SRGAP2: variants seen among roughly 807,000 people sequenced by gnomAD.
SRGAP2 encodes SLIT-ROBO Rho GTPase-activating protein 2.
In SRGAP2, 15 loss-of-function variants were observed where a neutral mutation model predicts 57.2. The observed-to-expected ratio is 0.26, with a 90% confidence interval of 0.18 to 0.40. SRGAP2 has a LOEUF of 0.40. Ranked by LOEUF, SRGAP2 falls within the 10% of genes least tolerant of loss-of-function variation. SRGAP2 has a pLI of 1.00. For synonymous variants in SRGAP2, 249 were observed against 248.0 expected (o/e 1.00, Z -0.04); for missense variants, 520 against 669.6 (o/e 0.78, Z 2.47).
At chr1:206,418,992 TAAGAG>T (rs1187407367) in intron 11 of SRGAP2, among the ~76,000 whole-genome samples, 1 of 148,120 alleles carries the variant, frequency 6.8e-6, no homozygotes, top group African/African-American at 2.5e-5. Flanking sequence ...ACATCCAACA[TAAGAG>T]AAGCTGAATT....
At chr1:206,445,673 G>A (rs1014298274) in intron 17 of SRGAP2, among the ~76,000 whole-genome samples, 2 of 152,210 alleles carry the variant, frequency 1.3e-5, no homozygotes, top group Non-Finnish European at 2.9e-5. Flanking sequence ...GCAGCCTGAG[G>A]GTCCCCGTCT....
chr1:206,371,356 T>G (rs1224768999), intron 4 of SRGAP2, among the ~76,000 whole-genome samples: 8 of 151,698 alleles, frequency 5.3e-5, no homozygotes, highest in Non-Finnish European at 1.2e-4. Flanking sequence ...CTAAATGGCA[T>G]TATTTAGGCA....
intron 3 of SRGAP2, among the ~76,000 whole-genome samples, chr1:206,334,474 T>C (rs545805079): frequency 5.4e-4 from 83 of 152,326 alleles, no homozygotes; most frequent in African/African-American, 1.9e-3. Flanking sequence ...TCCTTTTCAT[T>C]GTTGTTATGA....
chr1:206,229,633 G>A (rs2102509657), intron 2 of SRGAP2, among the ~76,000 whole-genome samples: 1 of 152,178 alleles, frequency 6.6e-6, no homozygotes, highest in East Asian at 1.9e-4. Context: ...TCTTCAACCT[G>A]AAGGACTCTT....
intron 4 of SRGAP2, among the ~76,000 whole-genome samples, chr1:206,377,481 A>T (rs1571999326): frequency 2.0e-5 from 2 of 98,966 alleles, no homozygotes; most frequent in East Asian, 2.9e-4. Flanking sequence ...TTGAAATCAG[A>T]TTTTTTTTTT....
intron 22 of SRGAP2, among the ~76,000 whole-genome samples, chr1:206,460,696 A>G (rs1664185073): frequency 6.6e-6 from 1 of 151,582 alleles, no homozygotes; most frequent in African/African-American, 2.4e-5. Flanking sequence ...TCATCACCAA[A>G]CTCCTGGCCA....
intron 11 of SRGAP2, among the ~76,000 whole-genome samples, chr1:206,418,295 G>A (rs908410317): frequency 3.9e-5 from 6 of 152,186 alleles, no homozygotes; most frequent in African/African-American, 1.4e-4. Flanking sequence ...GCACATAAGA[G>A]CTGAGCCTTT....
chr1:206,337,998 G>C (rs1674907261), intron 3 of SRGAP2, among the ~76,000 whole-genome samples: 1 of 152,072 alleles, frequency 6.6e-6, no homozygotes, highest in Non-Finnish European at 1.5e-5. Context: ...TGTCTTCGAA[G>C]CTAATGATTC....
At chr1:206,309,235 A>G (rs1292965592) in intron 3 of SRGAP2, among the ~76,000 whole-genome samples, 3 of 150,840 alleles carry the variant, frequency 2.0e-5, no homozygotes, top group East Asian at 3.9e-4. Context: ...ATGTGAAAAG[A>G]GCTTTAGTAG....
intron 11 of SRGAP2, among the ~76,000 whole-genome samples, chr1:206,418,888 C>CTGTGTGTGTGTG (rs1159940831): frequency 1.4e-4 from 19 of 136,642 alleles, no homozygotes; most frequent in South Asian, 2.5e-4. Context: ...CCAACTCTCT[C>CTGTGTGTGTGTG]TGTGTGTGTG....
chr1:206,451,115 TAAAAAAAAAAAAAAA>T (rs67862340), intron 19 of SRGAP2, among the ~76,000 whole-genome samples: 1 of 69,246 alleles, frequency 1.4e-5, no homozygotes, highest in Non-Finnish European at 2.7e-5. Flanking sequence ...AGACCCTGTC[TAAAAAAAAAAAAAAA>T]AAAAAAAAAG....
At chr1:206,258,260 G>A (rs1669316390) in intron 2 of SRGAP2, among the ~76,000 whole-genome samples, 1 of 152,056 alleles carries the variant, frequency 6.6e-6, no homozygotes, top group African/African-American at 2.4e-5. Context: ...TTTGTATATC[G>A]TCCATGGCTA....
At chr1:206,222,152 A>G in intron 2 of SRGAP2, among the ~76,000 whole-genome samples, 1 of 124,266 alleles carries the variant, frequency 8.0e-6, no homozygotes, top group Non-Finnish European at 1.7e-5. Context: ...CACTGCAAGG[A>G]TCACTCATGT....
intron 3 of SRGAP2, among the ~76,000 whole-genome samples, chr1:206,314,633 A>G (rs1672930626): frequency 6.6e-6 from 1 of 152,246 alleles, no homozygotes; most frequent in Non-Finnish European, 1.5e-5. Context: ...GCACACGTGC[A>G]CAGAGGGGAT....
At chr1:206,326,390 C>G (rs1673882959) in intron 3 of SRGAP2, among the ~76,000 whole-genome samples, 1 of 151,746 alleles carries the variant, frequency 6.6e-6, no homozygotes, top group South Asian at 2.1e-4. Context: ...CTTTCAGGCG[C>G]CGTTAGGCAG....
At chr1:206,378,765 A>T (rs1262252795) in intron 4 of SRGAP2, among the ~76,000 whole-genome samples, 3 of 152,224 alleles carry the variant, frequency 2.0e-5, no homozygotes, top group Non-Finnish European at 4.4e-5. Flanking sequence ...TTATAAATGC[A>T]CCAATCAGCA....
At chr1:206,459,921 G>A (rs1261409943) in intron 22 of SRGAP2, among the ~76,000 whole-genome samples, 2 of 152,108 alleles carry the variant, frequency 1.3e-5, no homozygotes, top group Admixed American at 6.6e-5. Flanking sequence ...CTTGCGCTAC[G>A]GGAATCCTCC....
intron 3 of SRGAP2, among the ~76,000 whole-genome samples, chr1:206,341,104 A>G (rs374675586): frequency 6.6e-6 from 1 of 152,252 alleles, no homozygotes. Context: ...TGTCTGATGT[A>G]TTCTGAAGTC....
At chr1:206,446,368 C>T in intron 18 of SRGAP2, 69 bp downstream of exon 18, 1 of 759,876 alleles carries the variant, frequency 1.3e-6, no homozygotes, top group Non-Finnish European at 2.5e-6. Context: ...GCCAGATGGC[C>T]ACACGAAAAC....
Sources: allele counts gnomAD v4.1 joint callset (sites outside exome capture counted in the v4.1 genomes callset), GRCh38; gene constraint gnomAD v4.1.1; transcripts MANE v1.5; gene names NCBI Gene and HGNC (gene_info 2026-07-23, HGNC 2026-07-21).